The following CLYBL variants were observed in gnomAD, a reference collection of about 807,000 sequenced individuals.
CLYBL encodes citramalyl-CoA lyase, also known as citramalyl-CoA lyase, mitochondrial.
In CLYBL, 31 loss-of-function variants were observed where a neutral mutation model predicts 38.9. That is an observed-to-expected ratio of 0.80 (90% CI 0.60 to 1.08). The LOEUF (loss-of-function observed/expected upper bound fraction) is 1.08, where lower values mean the gene tolerates loss of function less well. CLYBL is among the 50% of genes least tolerant of loss of function. The pLI, the probability that CLYBL is intolerant of heterozygous loss-of-function variation, is 0.00. For missense variants in CLYBL, 434 were observed against 411.6 expected, an observed-to-expected ratio of 1.05 and a Z score of -0.47; for synonymous variants, 171 against 158.6, an observed-to-expected ratio of 1.08 and a Z score of -0.59.
chr13:99,781,450 A>G (rs1011387515), intron 2 of CLYBL, among the ~76,000 whole-genome samples: 11 of 151,578 alleles, frequency 7.3e-5, no homozygotes, highest in East Asian at 3.9e-4. Context: ...GATTACAGGC[A>G]TAAGCCACTG....
chr13:99,752,734 C>T (rs1484856074), intron 1 of CLYBL, among the ~76,000 whole-genome samples: 1 of 152,062 alleles, frequency 6.6e-6, no homozygotes, highest in African/African-American at 2.4e-5. Flanking sequence ...CCCCTCATGG[C>T]TCAAAGGCCC....
intron 2 of CLYBL, among the ~76,000 whole-genome samples, chr13:99,787,105 C>T (rs1242320804): frequency 6.6e-6 from 1 of 151,738 alleles, no homozygotes; most frequent in African/African-American, 2.4e-5. Context: ...GGATATTAGC[C>T]CTTTGTCAGA....
intron 1 of CLYBL, among the ~76,000 whole-genome samples, chr13:99,622,781 A>G (rs936155803): frequency 7.1e-6 from 1 of 140,622 alleles, no homozygotes; most frequent in Non-Finnish European, 1.6e-5. Context: ...TGGATATAGC[A>G]CTACATTTTG....
intron 1 of CLYBL, among the ~76,000 whole-genome samples, chr13:99,641,447 A>G (rs2047092466): frequency 2.0e-5 from 3 of 152,242 alleles, no homozygotes; most frequent in Admixed American, 2.0e-4. Flanking sequence ...AGGTGGGTGG[A>G]TCACGAGGTC....
At chr13:99,759,829 T>A (rs951855286) in intron 1 of CLYBL, among the ~76,000 whole-genome samples, 1 of 152,172 alleles carries the variant, frequency 6.6e-6, no homozygotes, top group Non-Finnish European at 1.5e-5. Context: ...GTCAAAACAT[T>A]AGGTTGAATC....
At chr13:99,740,315 C>T (rs1448755968) in intron 1 of CLYBL, among the ~76,000 whole-genome samples, 3 of 152,218 alleles carry the variant, frequency 2.0e-5, no homozygotes, top group African/African-American at 7.2e-5. Flanking sequence ...AGCATGTGTG[C>T]TAAGAGGCTC....
intron 2 of CLYBL, among the ~76,000 whole-genome samples, chr13:99,852,406 T>G: frequency 6.6e-6 from 1 of 152,196 alleles, no homozygotes; most frequent in East Asian, 1.9e-4. Context: ...GCCTGGCTTA[T>G]GTTCTAAAAT....
chr13:99,823,635 T>C (rs1357464740), intron 2 of CLYBL, among the ~76,000 whole-genome samples: 1 of 152,262 alleles, frequency 6.6e-6, no homozygotes, highest in African/African-American at 2.4e-5. Flanking sequence ...ATAGCCAATG[T>C]GGCTTGATAG....
chr13:99,887,279 C>T (rs1255347630), intron 7 of CLYBL, among the ~76,000 whole-genome samples: 1 of 152,130 alleles, frequency 6.6e-6, no homozygotes, highest in African/African-American at 2.4e-5. Context: ...TCACAGAACA[C>T]ACTCAGAGAA....
chr13:99,741,797 A>AC (rs1363623456), intron 1 of CLYBL, among the ~76,000 whole-genome samples: 1 of 152,184 alleles, frequency 6.6e-6, no homozygotes, highest in African/African-American at 2.4e-5. Context: ...AGTGTCTCTA[A>AC]CCATATGATC....
At chr13:99,646,875 A>T (rs1489868857) in intron 1 of CLYBL, among the ~76,000 whole-genome samples, 1 of 152,090 alleles carries the variant, frequency 6.6e-6, no homozygotes, top group Non-Finnish European at 1.5e-5. Context: ...AGCATACCCT[A>T]GATCTGCCTG....
At chr13:99,871,621 G>A (rs1256846509) in intron 7 of CLYBL, among the ~76,000 whole-genome samples, 1 of 152,142 alleles carries the variant, frequency 6.6e-6, no homozygotes, top group Non-Finnish European at 1.5e-5. Flanking sequence ...TCCTAATTTA[G>A]TGCATCATTG....
chr13:99,617,946 G>A (rs371183003), intron 1 of CLYBL, among the ~76,000 whole-genome samples: 3 of 152,022 alleles, frequency 2.0e-5, no homozygotes, highest in African/African-American at 7.3e-5. Context: ...CCTCCACCCC[G>A]CTAAGCAGCC....
chr13:99,888,048 G>A (rs952558255), intron 7 of CLYBL, among the ~76,000 whole-genome samples: 1 of 152,086 alleles, frequency 6.6e-6, no homozygotes, highest in African/African-American at 2.4e-5. Context: ...TAGAGACAGG[G>A]TTTCACCATG....
At chr13:99,887,414 T>G (rs750783943) in intron 7 of CLYBL, among the ~76,000 whole-genome samples, 1 of 152,242 alleles carries the variant, frequency 6.6e-6, no homozygotes, top group Non-Finnish European at 1.5e-5. Flanking sequence ...AAGCTCCTTC[T>G]GCCTCAGTTT....
intron 2 of CLYBL, among the ~76,000 whole-genome samples, chr13:99,819,102 T>C (rs565104983): frequency 6.6e-6 from 1 of 152,134 alleles, no homozygotes; most frequent in African/African-American, 2.4e-5. Context: ...TTCCAGCACT[T>C]TGGGAGGCTG....
chr13:99,657,580 ATT>A (rs2047346808), intron 1 of CLYBL, among the ~76,000 whole-genome samples: 1 of 152,216 alleles, frequency 6.6e-6, no homozygotes, highest in Admixed American at 6.5e-5. Flanking sequence ...AAATAAACAG[ATT>A]GTAGTTAGAT....
At chr13:99,882,877 TC>T (rs2052247493) in intron 7 of CLYBL, among the ~76,000 whole-genome samples, 1 of 151,132 alleles carries the variant, frequency 6.6e-6, no homozygotes, top group Non-Finnish European at 1.5e-5. Context: ...TGACATCCTT[TC>T]CCCTAGATCT....
At chr13:99,680,554 C>T (rs1237070102) in intron 1 of CLYBL, among the ~76,000 whole-genome samples, 2 of 152,174 alleles carry the variant, frequency 1.3e-5, no homozygotes, top group Non-Finnish European at 2.9e-5. Flanking sequence ...AACCCCTCAT[C>T]CTCAATCCAG....
Sources: gnomAD v4.1 joint callset for allele counts (sites outside exome capture counted in the v4.1 genomes callset) on GRCh38, gnomAD v4.1.1 for gene constraint, MANE v1.5 for transcripts, NCBI Gene and HGNC (gene_info 2026-07-23, HGNC 2026-07-21) for gene names.